The following DYSF variants were observed in gnomAD, a reference collection of about 807,000 sequenced individuals.
DYSF encodes the protein dystrophy-associated fer-1-like 1.
Under a neutral mutation model 274.9 loss-of-function variants are expected in DYSF, and 212 were observed. That is an observed-to-expected ratio of 0.77 (90% CI 0.69 to 0.86). The LOEUF is 0.86. Ranked by LOEUF, DYSF falls within the 40% of genes least tolerant of loss-of-function variation. The pLI, the probability that DYSF is intolerant of heterozygous loss-of-function variation, is 0.00. For missense variants in DYSF, 2,666 were observed against 2,783.2 expected, an observed-to-expected ratio of 0.96 and a Z score of 0.95; for synonymous variants, 1,091 against 1,078.7, an observed-to-expected ratio of 1.01 and a Z score of -0.22.
rs116998173 is a variant in DYSF, at chr2:71,529,208, C to T, written c.1380+807C>T. Among the ~76,000 whole-genome samples, 56 of 152,310 alleles carry T rather than the reference C, an allele frequency of 3.7e-4. 1 individual carries two copies. In the East Asian group the frequency reaches 0.011, roughly 29 times the overall value. On this transcript the variant is annotated intron_variant, in intron 14 of 55. Coordinates refer to ENST00000410020, the MANE Select transcript of DYSF (RefSeq NM_001130987.2). ...AAATGTGGACCTGCCTTGATTCTTC[C>T]TTCTTTTTTCTCTCTCCACATCCCA...
At chr2:71,510,250 A>T (rs1178243658) in intron 4 of DYSF, among the ~76,000 whole-genome samples, 1 of 152,228 alleles carries the variant, frequency 6.6e-6, no homozygotes, top group East Asian at 1.9e-4. Flanking sequence ...GACAGTTGTT[A>T]AAAGTGCAAA....
rs375068646 is a variant in DYSF, at chr2:71,664,359, G to T, written c.5095G>T (p.Gly1699Cys). ...YDLLSKDEKIGETVVDLENRL... is the reference protein window; with the variant it reads ...YDLLSKDEKICETVVDLENRL... ...CCTCCTCTCCAAGGACGAAAAGATC[G>T]GTGAGACGGTCGTCGACCTGGAGAA... The change falls in exon 46 of 56, where the codon GGT (glycine) becomes TGT (cysteine). Residue 1699 changes from glycine to cysteine, a missense_variant. This residue lies in a region of DYSF where 1,460 missense variants were observed against 1,502.1 expected (regional missense o/e 0.97). Transcript: ENST00000410020. 6 of 1,614,058 alleles carry T rather than the reference G, an allele frequency of 3.7e-6. No individual in the cohort carries two copies. The highest frequency in any genetic ancestry group is 3.4e-6 in the Non-Finnish European group (4 of 1,180,034).
At position 71,653,517 on chromosome 2, in the gene DYSF, G is replaced by A. The variant is rs1202551719; in HGVS notation, c.4627-2645G>A. ...GAGTTCATGTCCTTTGTAGGCACATGGATGAAGCTGGAAACCATCATTCTC... is the reference window on the plus strand; with the variant it reads ...GAGTTCATGTCCTTTGTAGGCACATAGATGAAGCTGGAAACCATCATTCTC... On this transcript the variant is annotated intron_variant, in intron 42 of 55. Coordinates refer to ENST00000410020, the MANE Select transcript of DYSF (RefSeq NM_001130987.2). Among the ~76,000 whole-genome samples, 5 of 151,966 alleles carry A rather than the reference G, an allele frequency of 3.3e-5. No individual in the cohort carries two copies. The East Asian group carries it at 9.6e-4, about 29-fold the overall frequency.
chr2:71,627,463 C>A (rs1196770684), intron 41 of DYSF, among the ~76,000 whole-genome samples: 12 of 151,946 alleles, frequency 7.9e-5, no homozygotes, highest in Non-Finnish European at 1.3e-4. Flanking sequence ...CTGTGTGTAA[C>A]GATATAATAC....
At chr2:71,617,454 G>A (rs991788115) in intron 40 of DYSF, among the ~76,000 whole-genome samples, 1 of 152,238 alleles carries the variant, frequency 6.6e-6, no homozygotes, top group Non-Finnish European at 1.5e-5. Flanking sequence ...AACAGGGGAG[G>A]ACAGGGAGGC....
In DYSF at chr2:71,615,900, C is replaced by T. The variant is rs2093871520; in HGVS notation, c.4464+2490C>T. Among the ~76,000 whole-genome samples, 1 of 152,222 alleles carries T rather than the reference C, an allele frequency of 6.6e-6. No individual in the cohort carries two copies. ...TTCCATCCTCACAGTTGATGCAGCC[C>T]TGGCTGGTGCTGGATGTGTTCACTG... On this transcript the variant is annotated intron_variant, in intron 40 of 55. Transcript: ENST00000410020. The surrounding 1 kb of genome is among the most constrained non-coding windows in gnomAD (Gnocchi z 4.9).
intron 26 of DYSF, 99 bp from the exon 27 acceptor site, chr2:71,569,721 G>A (rs1472105967): frequency 5.0e-6 from 5 of 999,730 alleles, no homozygotes; most frequent in Non-Finnish European, 6.2e-6. Context: ...GTTGGTTGGG[G>A]TGAGGCTGAC....
At chr2:71,552,697 C>G (rs546090746) in intron 19 of DYSF, among the ~76,000 whole-genome samples, 3 of 152,358 alleles carry the variant, frequency 2.0e-5, no homozygotes, top group African/African-American at 7.2e-5. Context: ...CCCCTGCGGG[C>G]CCAGTGGGAG....
At chr2:71,584,068 T>G (rs149937008) in intron 30 of DYSF, among the ~76,000 whole-genome samples, 3 of 152,290 alleles carry the variant, frequency 2.0e-5, no homozygotes, top group Non-Finnish European at 4.4e-5. Flanking sequence ...ACCGTGTGGC[T>G]GCCAGCCCCA....
At chr2:71,521,540 G>A (rs1057167312) in intron 12 of DYSF, among the ~76,000 whole-genome samples, 2 of 152,194 alleles carry the variant, frequency 1.3e-5, no homozygotes, top group East Asian at 3.9e-4. Context: ...GGTGGTGGAC[G>A]TGTTGGGTGA....
At chr2:71,577,632 T>C (rs905687835) in intron 30 of DYSF, among the ~76,000 whole-genome samples, 1 of 151,222 alleles carries the variant, frequency 6.6e-6, no homozygotes, top group African/African-American at 2.4e-5. Flanking sequence ...ACATACACTC[T>C]CTTACACTCA....
At chr2:71,621,306 C>T (rs2094093167) in intron 41 of DYSF, among the ~76,000 whole-genome samples, 1 of 152,084 alleles carries the variant, frequency 6.6e-6, no homozygotes, top group African/African-American at 2.4e-5. Context: ...CTTATGGTGT[C>T]AAGAGGAGGC....
At chr2:71,676,485 A>T (rs1362894479) in intron 52 of DYSF, among the ~76,000 whole-genome samples, 1 of 152,166 alleles carries the variant, frequency 6.6e-6, no homozygotes, top group Non-Finnish European at 1.5e-5. Flanking sequence ...TTATGTATTA[A>T]GAATACATTG....
intron 1 of DYSF, among the ~76,000 whole-genome samples, chr2:71,475,302 G>A (rs1031755645): frequency 2.6e-5 from 4 of 151,742 alleles, no homozygotes; most frequent in South Asian, 2.1e-4. Flanking sequence ...TGCAGTCAAC[G>A]TGGAAAGAAA....
chr2:71,658,848 A>C (rs189995343), intron 43 of DYSF, 30 bp from the exon 44 acceptor site: 2 of 1,614,058 alleles, frequency 1.2e-6, no homozygotes, highest in Non-Finnish European at 1.7e-6. Context: ...ATGATGATAA[A>C]AATGAAAATT....
intron 26 of DYSF, among the ~76,000 whole-genome samples, chr2:71,569,425 G>A (rs1046850645): frequency 6.6e-6 from 1 of 151,998 alleles, no homozygotes; most frequent in African/African-American, 2.4e-5. Context: ...TCAACTCTGT[G>A]GTGTTTAACT....
chr2:71,571,479 C>T (rs796572177), intron 29 of DYSF, among the ~76,000 whole-genome samples: 7 of 99,798 alleles, frequency 7.0e-5, no homozygotes, highest in Admixed American at 1.1e-4. Context: ...AGCACACACA[C>T]ATCACACCCA....
chr2:71,518,401 C>T (rs983171742), intron 10 of DYSF, among the ~76,000 whole-genome samples: 2 of 150,082 alleles, frequency 1.3e-5, no homozygotes, highest in African/African-American at 4.9e-5. Context: ...GGATTAGAGG[C>T]GTGTGCTACC....
chr2:71,525,903 C>G (rs1038845222), intron 12 of DYSF, among the ~76,000 whole-genome samples: 4 of 152,064 alleles, frequency 2.6e-5, no homozygotes, highest in African/African-American at 9.7e-5. Context: ...ATGTTTTAAC[C>G]GGGAGGTGGG....
Sources: allele counts gnomAD v4.1 joint callset (sites outside exome capture counted in the v4.1 genomes callset), GRCh38; gene constraint gnomAD v4.1.1; regional missense constraint gnomAD v4.1.1; non-coding constraint Gnocchi (gnomAD v3.1); transcripts MANE v1.5; gene names NCBI Gene and HGNC (gene_info 2026-07-23, HGNC 2026-07-21).